Variants in TNIK observed in about 807,000 individuals in gnomAD.
TNIK encodes TRAF2 and NCK-interacting protein kinase.
A neutral mutation model predicts 191.3 loss-of-function variants in TNIK; 49 were observed. The ratio of observed to expected loss-of-function variants is 0.26; its 90% CI spans 0.20 to 0.32. The LOEUF (loss-of-function observed/expected upper bound fraction) is 0.32. Among genes scored for constraint, TNIK ranks in the 10% least tolerant of loss-of-function variants. TNIK has a pLI of 1.00. For missense variants in TNIK, 1,155 were observed against 1,702.3 expected (o/e 0.68, Z 5.66); for synonymous variants, 594 against 600.9 (o/e 0.99, Z 0.17).
intron 12 of TNIK, among the ~76,000 whole-genome samples, chr3:171,152,127 A>C (rs1267304182): frequency 6.6e-6 from 1 of 152,054 alleles, no homozygotes; most frequent in African/African-American, 2.4e-5. Context: ...CTAAAAACAC[A>C]AAGACTAGCT....
At chr3:171,249,659 C>T (rs1490634396) in intron 2 of TNIK, among the ~76,000 whole-genome samples, 2 of 152,168 alleles carry the variant, frequency 1.3e-5, no homozygotes, top group Admixed American at 1.3e-4. Context: ...GAACAAATGT[C>T]AAATTTGCTG....
intron 2 of TNIK, among the ~76,000 whole-genome samples, chr3:171,362,736 G>T (rs1414856113): frequency 6.6e-6 from 1 of 152,132 alleles, no homozygotes; most frequent in Non-Finnish European, 1.5e-5. Context: ...AGAAATCCAG[G>T]CTCACAGGGT....
chr3:171,179,828 A>G (rs1736433270), intron 7 of TNIK, among the ~76,000 whole-genome samples: 2 of 152,192 alleles, frequency 1.3e-5, no homozygotes, highest in Admixed American at 6.5e-5. Flanking sequence ...TTTGCTGTTC[A>G]GGAGGCTTTA....
intron 1 of TNIK, among the ~76,000 whole-genome samples, chr3:171,378,015 C>A (rs1222411634): frequency 6.6e-6 from 1 of 152,132 alleles, no homozygotes; most frequent in Non-Finnish European, 1.5e-5. Flanking sequence ...AACAATAGAG[C>A]CAGAGAATGG....
intron 4 of TNIK, among the ~76,000 whole-genome samples, chr3:171,205,708 AT>A (rs1739977186): frequency 1.3e-5 from 2 of 152,044 alleles, no homozygotes; most frequent in Non-Finnish European, 2.9e-5. Flanking sequence ...GTCAGATCCC[AT>A]CCCCCTCACT....
At position 171,460,290 on chromosome 3, in the gene TNIK, G is replaced by C; in HGVS notation, c.-227C>G. ...TGCGCGGATCTCCAAGCCCCGAGCA[G>C]CGGTGCGTGTGGGCTGAGCGCCCCG... On this transcript the variant is annotated 5_prime_UTR_variant, in exon 1 of 33. Transcript: ENST00000436636. This position sits in a 1 kb window ranked among gnomAD's most constrained non-coding sequence, Gnocchi z 6.8. The C allele has an allele frequency of 1.6e-6, 1 of 606,226 alleles. No individual in the cohort carries two copies. Among genetic ancestry groups the C allele is most frequent in the Non-Finnish European group, 2.9e-6 (1 of 346,168 alleles). The allele number at this position is 606,226 out of a possible 1,614,324, so 37.6% of individuals were successfully genotyped here.
chr3:171,293,892 C>A (rs1751967226), intron 2 of TNIK, among the ~76,000 whole-genome samples: 2 of 152,066 alleles, frequency 1.3e-5, no homozygotes, highest in Admixed American at 6.6e-5. Flanking sequence ...CCAGCCTGAG[C>A]AACACAGCAA....
intron 6 of TNIK, 87 bp from the exon 7 acceptor site, chr3:171,188,919 A>G (rs1737689104): frequency 6.7e-7 from 1 of 1,481,804 alleles, no homozygotes; most frequent in Non-Finnish European, 9.2e-7. Context: ...TATTGTGGTA[A>G]AACATAAGTA....
chr3:171,167,454 A>G (rs1734748436), intron 9 of TNIK, among the ~76,000 whole-genome samples, 184 bp from the exon 10 acceptor site: 1 of 152,228 alleles, frequency 6.6e-6, no homozygotes, highest in African/African-American at 2.4e-5. Context: ...AGGCATCATC[A>G]TCATCAACGT....
intron 23 of TNIK, among the ~76,000 whole-genome samples, chr3:171,091,382 C>T (rs140388362): frequency 7.0e-4 from 106 of 152,294 alleles, no homozygotes; most frequent in African/African-American, 2.3e-3. Flanking sequence ...CCTGGGTCTC[C>T]AGCTTGCATA....
chr3:171,223,077 T>C (rs908979563), intron 3 of TNIK, among the ~76,000 whole-genome samples: 4 of 152,218 alleles, frequency 2.6e-5, no homozygotes, highest in Admixed American at 2.6e-4. Flanking sequence ...CTTCATGACC[T>C]GGCCCCTCCT....
intron 23 of TNIK, among the ~76,000 whole-genome samples, chr3:171,092,944 G>C (rs1722251168): frequency 6.6e-6 from 1 of 152,194 alleles, no homozygotes. Flanking sequence ...TCCGAGGAGA[G>C]AGTGAAATAA....
chr3:171,412,413 C>G (rs1261729282), intron 1 of TNIK, among the ~76,000 whole-genome samples: 2 of 152,124 alleles, frequency 1.3e-5, no homozygotes, highest in African/African-American at 4.8e-5. Flanking sequence ...TTTCCTTGTG[C>G]CAAAATTTAA....
intron 12 of TNIK, among the ~76,000 whole-genome samples, chr3:171,155,827 T>G (rs1182799680): frequency 6.6e-6 from 1 of 152,198 alleles, no homozygotes; most frequent in Non-Finnish European, 1.5e-5. Context: ...ATACCAACTT[T>G]GACTTATCAG....
At chr3:171,299,470 C>T (rs1330233439) in intron 2 of TNIK, among the ~76,000 whole-genome samples, 1 of 152,166 alleles carries the variant, frequency 6.6e-6, no homozygotes, top group Non-Finnish European at 1.5e-5. Context: ...AACATGGTAG[C>T]TGCCCTATCA....
At chr3:171,103,630 G>A (rs952975144) in intron 21 of TNIK, among the ~76,000 whole-genome samples, 13 of 152,078 alleles carry the variant, frequency 8.5e-5, no homozygotes, top group African/African-American at 3.1e-4. Context: ...TTAGGACTGT[G>A]TTAAGTCTCA....
intron 2 of TNIK, among the ~76,000 whole-genome samples, chr3:171,264,274 A>G (rs1748102051): frequency 6.6e-6 from 1 of 151,720 alleles, no homozygotes; most frequent in African/African-American, 2.4e-5. Flanking sequence ...TAGGAAAAGA[A>G]TTGTATGTTT....
At chr3:171,090,364 T>C (rs1721894974) in intron 23 of TNIK, among the ~76,000 whole-genome samples, 1 of 152,158 alleles carries the variant, frequency 6.6e-6, no homozygotes, top group Admixed American at 6.5e-5. Flanking sequence ...TACTCCTCTA[T>C]TTCTGATACC....
At chr3:171,315,005 G>A (rs1426444803) in intron 2 of TNIK, among the ~76,000 whole-genome samples, 2 of 152,044 alleles carry the variant, frequency 1.3e-5, no homozygotes, top group African/African-American at 4.8e-5. Context: ...TGCAACACAA[G>A]ATCTAAAAGT....
Sources: allele counts gnomAD v4.1 joint callset (sites outside exome capture counted in the v4.1 genomes callset), GRCh38; gene constraint gnomAD v4.1.1; non-coding constraint Gnocchi (gnomAD v3.1); transcripts MANE v1.5; gene names NCBI Gene and HGNC (gene_info 2026-07-23, HGNC 2026-07-21).